PTPRN2: variants seen among roughly 807,000 people sequenced by gnomAD.
The protein encoded by PTPRN2 is receptor-type tyrosine-protein phosphatase N2.
PTPRN2 carries 74 observed loss-of-function variants against 118.8 expected under a neutral mutation model. That is an observed-to-expected ratio of 0.62 (90% CI 0.52 to 0.76). PTPRN2 has a LOEUF of 0.76. Among genes scored for constraint, PTPRN2 ranks in the 30% least tolerant of loss-of-function variants. PTPRN2 has a pLI of 0.00. For synonymous variants in PTPRN2, 641 were observed against 608.0 expected (o/e 1.05, Z -0.80); for missense variants, 1,481 against 1,394.4 (o/e 1.06, Z -0.99).
intron 5 of PTPRN2, among the ~76,000 whole-genome samples, chr7:158,180,896 T>G (rs1824647317): frequency 6.6e-6 from 1 of 152,232 alleles, no homozygotes; most frequent in African/African-American, 2.4e-5. Context: ...CAGCAATAGT[T>G]TGACTTCCTC....
intron 11 of PTPRN2, among the ~76,000 whole-genome samples, chr7:158,042,116 G>A (rs955418568): frequency 2.2e-4 from 33 of 152,190 alleles, no homozygotes; most frequent in African/African-American, 8.0e-4. Context: ...GAGCCTGTGA[G>A]GGGCCTCCAT....
intron 14 of PTPRN2, among the ~76,000 whole-genome samples, chr7:157,643,115 G>A (rs149513044): frequency 3.3e-5 from 5 of 152,272 alleles, no homozygotes; most frequent in Non-Finnish European, 7.3e-5. Context: ...ACTTACGATG[G>A]GTTTGTTGGG....
At chr7:157,652,652 C>A (rs1563305535) in intron 14 of PTPRN2, among the ~76,000 whole-genome samples, 1 of 152,204 alleles carries the variant, frequency 6.6e-6, no homozygotes, top group Non-Finnish European at 1.5e-5. Context: ...GCTGGGACAC[C>A]TTGACCAGGT....
At chr7:157,720,436 C>T (rs542804475) in intron 12 of PTPRN2, among the ~76,000 whole-genome samples, 51 of 152,336 alleles carry the variant, frequency 3.3e-4, no homozygotes, top group African/African-American at 1.1e-3. Flanking sequence ...GGAACGCGTG[C>T]GGCCCACAGG....
intron 5 of PTPRN2, among the ~76,000 whole-genome samples, chr7:158,171,348 T>TATAC (rs1554571717): frequency 0.064 from 5,683 of 89,404 alleles, 736 homozygotes; most frequent in Non-Finnish European, 0.081. Context: ...TATATATATA[T>TATAC]ACACACACAC....
chr7:158,249,837 C>T (rs1326043964), intron 3 of PTPRN2, among the ~76,000 whole-genome samples: 5 of 152,224 alleles, frequency 3.3e-5, no homozygotes, highest in Non-Finnish European at 7.3e-5. Flanking sequence ...CCCATTTAAA[C>T]TGCTTCTCCT....
Position 158,470,771 on chromosome 7 carries a change from C to T in PTPRN2, c.163+18964G>A, listed in dbSNP as rs10275613. Among the ~76,000 whole-genome samples, 34 of 152,214 alleles carry T rather than the reference C, an allele frequency of 2.2e-4. 1 individual carries two copies. The highest frequency in any genetic ancestry group is 8.2e-4 in the African/African-American group (34 of 41,532). ...GGAGAACAGGCTCAGTACATCTTCC[C>T]GCTCATGTTACAGTGAAATGCGTGA... On this transcript the variant is annotated intron_variant, in intron 2 of 22. Transcript: ENST00000389418.
intron 2 of PTPRN2, among the ~76,000 whole-genome samples, chr7:158,371,947 C>G (rs529419438): frequency 3.3e-5 from 5 of 152,358 alleles, no homozygotes; most frequent in African/African-American, 1.2e-4. Context: ...GTAGCGCACT[C>G]AGCGTCCGTC....
intron 9 of PTPRN2, among the ~76,000 whole-genome samples, chr7:158,128,322 G>A (rs1160743449): frequency 6.6e-6 from 1 of 152,150 alleles, no homozygotes; most frequent in African/African-American, 2.4e-5. Flanking sequence ...ACAAATTGCT[G>A]ACAAAAAGCT....
intron 12 of PTPRN2, among the ~76,000 whole-genome samples, chr7:157,723,993 C>T (rs1203570781): frequency 2.0e-5 from 3 of 152,170 alleles, no homozygotes; most frequent in Admixed American, 6.5e-5. Context: ...AGGCTTCCCC[C>T]GTCTGAATCG....
intron 12 of PTPRN2, among the ~76,000 whole-genome samples, chr7:157,742,127 C>A (rs918903116): frequency 6.6e-6 from 1 of 152,196 alleles, no homozygotes; most frequent in African/African-American, 2.4e-5. Context: ...TACAACTAGG[C>A]TTTTTCCAAT....
At chr7:157,906,590 G>A (rs1378001111) in intron 11 of PTPRN2, among the ~76,000 whole-genome samples, 1 of 152,056 alleles carries the variant, frequency 6.6e-6, no homozygotes, top group East Asian at 1.9e-4. Context: ...TTCATACAAG[G>A]TTAAGAAATA....
intron 3 of PTPRN2, among the ~76,000 whole-genome samples, chr7:158,262,662 CTG>C (rs1797538591): frequency 1.3e-5 from 2 of 149,470 alleles, no homozygotes; most frequent in African/African-American, 5.0e-5. Context: ...CACTGACACA[CTG>C]CACGCACATT....
At chr7:157,844,557 G>A (rs972324109) in intron 12 of PTPRN2, among the ~76,000 whole-genome samples, 1 of 152,212 alleles carries the variant, frequency 6.6e-6, no homozygotes, top group Non-Finnish European at 1.5e-5. Flanking sequence ...CAGGAGCCCA[G>A]CGTGACCAGC....
chr7:157,960,277 A>C (rs1025778900), intron 11 of PTPRN2, among the ~76,000 whole-genome samples: 3 of 152,206 alleles, frequency 2.0e-5, no homozygotes, highest in African/African-American at 7.2e-5. Context: ...TGACACTGTG[A>C]ATGTACTTAA....
chr7:157,843,767 G>A (rs753564967), intron 12 of PTPRN2, among the ~76,000 whole-genome samples: 2 of 152,182 alleles, frequency 1.3e-5, no homozygotes, highest in Non-Finnish European at 1.5e-5. Flanking sequence ...TCGCAGTTTC[G>A]AAGGAAACCT....
At chr7:157,593,836 A>C (rs1708832126) in intron 17 of PTPRN2, among the ~76,000 whole-genome samples, 1 of 152,224 alleles carries the variant, frequency 6.6e-6, no homozygotes, top group South Asian at 2.1e-4. Flanking sequence ...ACAAGTAGGG[A>C]GCCCAAGTGC....
rs1223572547 is a variant in PTPRN2, at chr7:157,784,436, T to A, written c.1789-101499A>T. ...CGACCTGCAGCAGCGCCCACAAGGCTCAGGGCTGGGTCCAGCCTCACCTGC... is the reference window on the plus strand; with the variant it reads ...CGACCTGCAGCAGCGCCCACAAGGCACAGGGCTGGGTCCAGCCTCACCTGC... On this transcript the variant is annotated intron_variant, in intron 12 of 22. Coordinates refer to ENST00000389418, the MANE Select transcript of PTPRN2 (RefSeq NM_002847.5). This position sits in a 1 kb window ranked among gnomAD's most constrained non-coding sequence, Gnocchi z 4.6. Among the ~76,000 whole-genome samples, 1 of 152,156 alleles carries A rather than the reference T, an allele frequency of 6.6e-6. No homozygotes were observed.
At chr7:157,870,718 G>A (rs375424667) in intron 12 of PTPRN2, among the ~76,000 whole-genome samples, 16 of 152,206 alleles carry the variant, frequency 1.1e-4, no homozygotes, top group East Asian at 3.8e-4. Context: ...ATGGCTGCTT[G>A]GGGTGCTGGC....
Sources: allele counts gnomAD v4.1 joint callset (sites outside exome capture counted in the v4.1 genomes callset), GRCh38; gene constraint gnomAD v4.1.1; non-coding constraint Gnocchi (gnomAD v3.1); transcripts MANE v1.5; gene names NCBI Gene and HGNC (gene_info 2026-07-23, HGNC 2026-07-21).